ATP10A: variants seen among roughly 807,000 people sequenced by gnomAD.
ATP10A encodes the protein phospholipid-transporting ATPase VA.
In ATP10A, 111 loss-of-function variants were observed where a neutral mutation model predicts 147.8. The ratio of observed to expected loss-of-function variants is 0.75; its 90% confidence interval spans 0.64 to 0.88. The LOEUF is 0.88. ATP10A is among the 40% of genes least tolerant of loss of function. The pLI, the probability that ATP10A is intolerant of heterozygous loss-of-function variation, is 0.00. For missense variants in ATP10A, 1,927 were observed against 1,959.0 expected, an observed-to-expected ratio of 0.98 and a Z score of 0.31; for synonymous variants, 875 against 841.6, an observed-to-expected ratio of 1.04 and a Z score of -0.69.
chr15:25,815,459 T>C (rs1239405062), intron 1 of ATP10A, among the ~76,000 whole-genome samples: 1 of 15,512 alleles, frequency 6.4e-5, no homozygotes, highest in African/African-American at 1.8e-4. Context: ...AAAAATAGCA[T>C]CTATACAGTG....
chr15:25,846,775 A>G (rs914709536), intron 1 of ATP10A, among the ~76,000 whole-genome samples: 22 of 152,222 alleles, frequency 1.4e-4, no homozygotes, highest in African/African-American at 5.1e-4. Flanking sequence ...ACACACAAAA[A>G]CATACACCAT....
intron 1 of ATP10A, among the ~76,000 whole-genome samples, chr15:25,823,914 C>G (rs142549716): frequency 6.6e-6 from 1 of 152,214 alleles, no homozygotes; most frequent in Non-Finnish European, 1.5e-5. Context: ...ACATATTAGG[C>G]TCTGCAGGTC....
At chr15:25,811,790 G>A (rs1288512514) in intron 1 of ATP10A, among the ~76,000 whole-genome samples, 1 of 152,218 alleles carries the variant, frequency 6.6e-6, no homozygotes, top group Non-Finnish European at 1.5e-5. Flanking sequence ...TGACCTCGTA[G>A]CACTTCCTCG....
At chr15:25,682,045 C>T (rs1193539002) in intron 17 of ATP10A, among the ~76,000 whole-genome samples, 1 of 120,236 alleles carries the variant, frequency 8.3e-6, no homozygotes, top group Non-Finnish European at 1.6e-5. Flanking sequence ...CAGAGCGAGA[C>T]CTTGTCTTAA....
intron 1 of ATP10A, among the ~76,000 whole-genome samples, chr15:25,791,783 G>C (rs761615723): frequency 3.2e-4 from 49 of 151,976 alleles, no homozygotes; most frequent in Non-Finnish European, 6.2e-4. Flanking sequence ...TCTGTCTTTT[G>C]CTTTGGAAAT....
intron 1 of ATP10A, among the ~76,000 whole-genome samples, chr15:25,809,011 C>T (rs947999691): frequency 3.3e-5 from 5 of 152,092 alleles, no homozygotes; most frequent in Admixed American, 1.3e-4. Context: ...GTGGAGAAGC[C>T]AGGTACAGGC....
intron 1 of ATP10A, among the ~76,000 whole-genome samples, chr15:25,856,071 T>C (rs1893503116): frequency 6.6e-6 from 1 of 152,248 alleles, no homozygotes; most frequent in Non-Finnish European, 1.5e-5. Context: ...CTGTTAAGTC[T>C]AAAATGATTT....
chr15:25,674,204 C>T (rs1899094413), downstream of ATP10A, among the ~76,000 whole-genome samples: 1 of 152,200 alleles, frequency 6.6e-6, no homozygotes, highest in South Asian at 2.1e-4. Context: ...CTCAGGCTTG[C>T]TGGGTGATGA....
intron 3 of ATP10A, among the ~76,000 whole-genome samples, chr15:25,735,014 TGGGGGG>T (rs1567343548): frequency 8.2e-5 from 1 of 12,228 alleles, no homozygotes. Context: ...GGGGGGGGGG[TGGGGGG>T]GTGGGGGAAG....
chr15:25,680,290 T>A lies in ATP10A; in HGVS notation c.3697A>T (p.Thr1233Ser), dbSNP rs1899330954. The change falls in exon 20 of 21, where the codon ACG becomes TCG. Residue 1233 changes from threonine (T) to serine (S), a missense_variant. Transcript: ENST00000555815. ...AACAAAAGGACACTGAAGCCACACG[T>A]TATCCAGTTGAGCCAGGTCTGAGGG... Reference protein sequence around the residue: ...TKTWTWLNWITCGFSVLLFFT... With the variant: ...TKTWTWLNWISCGFSVLLFFT... 6.2e-7 allele frequency: 1 copy of A among 1,614,050 alleles called. No individual in the cohort carries two copies. Among genetic ancestry groups the A allele is most frequent in the Non-Finnish European group, 8.5e-7 (1 of 1,180,022 alleles).
chr15:25,769,257 C>T (rs1014790285), intron 2 of ATP10A, among the ~76,000 whole-genome samples: 4 of 151,962 alleles, frequency 2.6e-5, no homozygotes, highest in Non-Finnish European at 4.4e-5. Flanking sequence ...GAGGCTGAGG[C>T]GGATGGATCA....
At chr15:25,683,553 G>C in intron 16 of ATP10A, 67 bp from the exon 17 acceptor site, 2 of 1,457,204 alleles carry the variant, frequency 1.4e-6, no homozygotes, top group Non-Finnish European at 1.9e-6. Flanking sequence ...TCTCATCCGA[G>C]GGAGCTGACA....
At chr15:25,717,855 T>C (rs74003874) in intron 8 of ATP10A, among the ~76,000 whole-genome samples, 17,403 of 152,104 alleles carry the variant, frequency 0.11, 1,095 homozygotes, top group African/African-American at 0.13. Flanking sequence ...TTGGGAGGGG[T>C]TGGCTTTGCT....
chr15:25,788,261 A>G (rs1270476586), intron 1 of ATP10A, among the ~76,000 whole-genome samples: 2 of 152,228 alleles, frequency 1.3e-5, no homozygotes, highest in African/African-American at 4.8e-5. Flanking sequence ...ACTTTCATTT[A>G]GGGTCACAAA....
At chr15:25,861,244 G>A (rs748534933) in intron 1 of ATP10A, among the ~76,000 whole-genome samples, 1 of 152,188 alleles carries the variant, frequency 6.6e-6, no homozygotes, top group Admixed American at 6.5e-5. Context: ...TGCTGAGTGA[G>A]ACACTTTGGA....
intron 12 of ATP10A, among the ~76,000 whole-genome samples, chr15:25,707,310 A>C (rs1401147650): frequency 6.6e-6 from 1 of 152,152 alleles, no homozygotes. Context: ...GAGAAGTACC[A>C]CCTGACTCAC....
intron 1 of ATP10A, among the ~76,000 whole-genome samples, chr15:25,824,038 A>G (rs1217553796): frequency 6.6e-6 from 1 of 152,206 alleles, no homozygotes; most frequent in Non-Finnish European, 1.5e-5. Flanking sequence ...ATTTACGAAA[A>G]TGGGGGCTGT....
rs1339903496 is a variant in ATP10A at position 25,708,240 on chromosome 15, A to G, written c.2405T>C (p.Val802Ala). 1.2e-6 allele frequency: 2 copies of G among 1,614,166 alleles called. No individual in the cohort carries two copies. The highest frequency in any genetic ancestry group is 2.7e-5 in the African/African-American group (2 of 75,058). Residue 802 changes from valine (V) to alanine (A), a missense_variant, in exon 11 of 21, where the codon GTG (valine) becomes GCG (alanine). Val to Ala is a moderately conservative substitution (Grantham distance 64). Transcript: ENST00000555815. ...GGTGCGCAGGCCTTCCGCCGCATAC[A>G]CGTTGAGGTAATTCTGAGTTTTGCT... ...IRSKTQNYLN[V>A]YAAEGLRTLC...
chr15:25,738,704 C>T (rs1279849639), intron 2 of ATP10A: 1 of 152,196 alleles, frequency 6.6e-6, no homozygotes, highest in African/African-American at 2.4e-5. Context: ...AGTACAAGTA[C>T]ATAAAGTCTC....
Sources: gnomAD v4.1 joint callset for allele counts (sites outside exome capture counted in the v4.1 genomes callset) on GRCh38, gnomAD v4.1.1 for gene constraint, MANE v1.5 for transcripts, NCBI Gene and HGNC (gene_info 2026-07-23, HGNC 2026-07-21) for gene names.